Variants in IGSF21 observed in about 807,000 individuals in gnomAD.
IGSF21 encodes immunoglobulin superfamily member 21.
A neutral mutation model predicts 46.8 loss-of-function variants in IGSF21; 28 were observed. That is an observed-to-expected ratio of 0.60 (90% CI 0.44 to 0.82). The LOEUF (loss-of-function observed/expected upper bound fraction) is 0.82, where lower values mean the gene tolerates loss of function less well. Ranked by LOEUF, IGSF21 falls within the 40% of genes least tolerant of loss-of-function variation. The probability of loss-of-function intolerance (pLI) is 0.00; values close to 1 mark genes in which losing one functional copy is unlikely to be tolerated. For synonymous variants in IGSF21, 284 were observed against 273.6 expected, an observed-to-expected ratio of 1.04 and a Z score of -0.38; for missense variants, 624 against 665.5, an observed-to-expected ratio of 0.94 and a Z score of 0.69.
At chr1:18,183,431 G>A (rs1220291143) in intron 1 of IGSF21, among the ~76,000 whole-genome samples, 1 of 152,176 alleles carries the variant, frequency 6.6e-6, no homozygotes, top group Non-Finnish European at 1.5e-5. Context: ...TAGGATATAT[G>A]GCAGCTGAAA....
intron 1 of IGSF21, among the ~76,000 whole-genome samples, chr1:18,204,575 G>A (rs1216252075): frequency 6.6e-6 from 1 of 152,154 alleles, no homozygotes. Flanking sequence ...GTGCTCAGAG[G>A]TGGAGGGGAG....
chr1:18,367,750 G>C (rs182239405), intron 6 of IGSF21, among the ~76,000 whole-genome samples: 592 of 149,908 alleles, frequency 3.9e-3, no homozygotes, highest in Admixed American at 6.1e-3. Context: ...GGGATTACAG[G>C]TGCCTTCCAC....
chr1:18,229,805 G>GAGC (rs1256145525), intron 2 of IGSF21, among the ~76,000 whole-genome samples: 1 of 152,218 alleles, frequency 6.6e-6, no homozygotes, highest in African/African-American at 2.4e-5. Context: ...CACAGGCTGG[G>GAGC]AGCATCTCAT....
In IGSF21 at chr1:18,165,828, A is replaced by G. The variant is rs966181031; in HGVS notation, c.70+57630A>G. ...ATAGCCTGTTCCTCTTCCTTATTTA[A>G]AAGTGTTTTTATCTTTCTCAGCATT... On this transcript the variant is annotated intron_variant, in intron 1 of 9. Transcript: ENST00000251296. Among the ~76,000 whole-genome samples the G allele has an allele frequency of 2.0e-5, 3 of 152,200 alleles. No homozygotes were observed. In the East Asian group the frequency reaches 5.8e-4, roughly 29 times the overall value.
At chr1:18,349,293 C>T (rs879781325) in intron 4 of IGSF21, among the ~76,000 whole-genome samples, 1 of 152,108 alleles carries the variant, frequency 6.6e-6, no homozygotes, top group Non-Finnish European at 1.5e-5. Context: ...TCAAGGAGTC[C>T]ATGAATGATG....
chr1:18,220,003 G>A (rs988262911), intron 1 of IGSF21, among the ~76,000 whole-genome samples: 1 of 152,184 alleles, frequency 6.6e-6, no homozygotes, highest in African/African-American at 2.4e-5. Flanking sequence ...GGAGAAGCAG[G>A]ATATTGTTCA....
At chr1:18,200,432 C>T (rs2087060500) in intron 1 of IGSF21, among the ~76,000 whole-genome samples, 1 of 152,050 alleles carries the variant, frequency 6.6e-6, no homozygotes, top group Non-Finnish European at 1.5e-5. Flanking sequence ...GGCCACACTC[C>T]CTCTGATTCC....
At chr1:18,184,070 A>G (rs2086881194) in intron 1 of IGSF21, among the ~76,000 whole-genome samples, 1 of 152,152 alleles carries the variant, frequency 6.6e-6, no homozygotes, top group South Asian at 2.1e-4. Context: ...GTCTGGGTTC[A>G]CATTTTGATA....
chr1:18,273,496 CTTT>C (rs1557618581), intron 2 of IGSF21, among the ~76,000 whole-genome samples: 7 of 77,432 alleles, frequency 9.0e-5, no homozygotes, highest in African/African-American at 4.1e-4. Context: ...TTCTTTCTTT[CTTT>C]CTTTCTTTCT....
chr1:18,321,727 CCTT>C (rs2085603335), intron 3 of IGSF21, among the ~76,000 whole-genome samples: 2 of 152,190 alleles, frequency 1.3e-5, no homozygotes, highest in South Asian at 4.1e-4. Context: ...AAAAGCCCCT[CCTT>C]CTAATACAAT....
intron 1 of IGSF21, among the ~76,000 whole-genome samples, chr1:18,123,702 A>T (rs994601108): frequency 6.6e-6 from 1 of 152,062 alleles, no homozygotes; most frequent in Admixed American, 6.5e-5. Context: ...GAGTGGAGGG[A>T]TCTGAGCAGG....
At chr1:18,309,020 TG>T (rs1557636983) in intron 3 of IGSF21, among the ~76,000 whole-genome samples, 1 of 152,006 alleles carries the variant, frequency 6.6e-6, no homozygotes, top group East Asian at 1.9e-4. Flanking sequence ...AAGGAGGGGA[TG>T]CAGCTCTGCC....
chr1:18,350,504 A>G lies in IGSF21; in HGVS notation c.425-11611A>G, dbSNP rs568989331. Among the ~76,000 whole-genome samples, 16 of 152,322 alleles carry G rather than the reference A, an allele frequency of 1.1e-4. No homozygotes were observed. The East Asian group carries it at 1.7e-3, about 17-fold the overall frequency. ...TCTTTACAAAGATGCAATCCAAGAG[A>G]TATTCAATCAAGCAAACGCAGTTCA... On this transcript the variant is annotated intron_variant, in intron 4 of 9. Transcript: ENST00000251296.
At chr1:18,341,623 A>C (rs2085842699) in intron 4 of IGSF21, among the ~76,000 whole-genome samples, 1 of 152,120 alleles carries the variant, frequency 6.6e-6, no homozygotes, top group South Asian at 2.1e-4. Flanking sequence ...GAGTACTATC[A>C]CTTTCTCTTT....
chr1:18,225,167 C>T (rs1389818368), intron 1 of IGSF21, among the ~76,000 whole-genome samples: 1 of 150,218 alleles, frequency 6.7e-6, no homozygotes, highest in Non-Finnish European at 1.5e-5. Flanking sequence ...TGAGAAGATC[C>T]CTATTCTCTG....
At chr1:18,122,761 C>T (rs1254775200) in intron 1 of IGSF21, among the ~76,000 whole-genome samples, 1 of 151,792 alleles carries the variant, frequency 6.6e-6, no homozygotes, top group African/African-American at 2.4e-5. Flanking sequence ...GCTGGCACTA[C>T]AGGTGCATGC....
intron 1 of IGSF21, among the ~76,000 whole-genome samples, chr1:18,201,012 C>A (rs2087067962): frequency 6.6e-6 from 1 of 152,158 alleles, no homozygotes; most frequent in African/African-American, 2.4e-5. Context: ...GGGAGATAAG[C>A]ATTTATGGAA....
intron 3 of IGSF21, among the ~76,000 whole-genome samples, chr1:18,298,231 C>G (rs2085329552): frequency 6.6e-6 from 1 of 152,172 alleles, no homozygotes; most frequent in Non-Finnish European, 1.5e-5. Flanking sequence ...TGCGGTTTGT[C>G]AAGCTCACCT....
intron 1 of IGSF21, among the ~76,000 whole-genome samples, chr1:18,124,201 G>A (rs539106358): frequency 2.6e-5 from 4 of 152,322 alleles, no homozygotes; most frequent in African/African-American, 7.2e-5. Context: ...GCCAGGTCCA[G>A]GCTCTCTTCT....
Sources: gnomAD v4.1 joint callset for allele counts (sites outside exome capture counted in the v4.1 genomes callset) on GRCh38, gnomAD v4.1.1 for gene constraint, MANE v1.5 for transcripts, NCBI Gene and HGNC (gene_info 2026-07-23, HGNC 2026-07-21) for gene names.